The following NT5DC1 variants were observed in gnomAD, a reference collection of about 807,000 sequenced individuals.
The protein encoded by NT5DC1 is 5'-nucleotidase domain-containing protein 1.
In NT5DC1, 42 loss-of-function variants were observed where a neutral mutation model predicts 59.4. That is an observed-to-expected ratio of 0.71 (90% confidence interval 0.55 to 0.92). The LOEUF (loss-of-function observed/expected upper bound fraction) is 0.92, where lower values mean the gene tolerates loss of function less well. NT5DC1 is among the 40% of genes least tolerant of loss of function. NT5DC1 has a pLI of 0.00. For missense variants in NT5DC1, 501 were observed against 537.1 expected, an observed-to-expected ratio of 0.93 and a Z score of 0.66; for synonymous variants, 172 against 188.1, an observed-to-expected ratio of 0.91 and a Z score of 0.70.
At position 116,245,945 on chromosome 6, in the gene NT5DC1, GTT is replaced by G. The variant is rs1404580545; in HGVS notation, c.*1923_*1924del. ...TCCATCTTATGAAAGGAAAAGTTTA[GTT>G]TATTTCTAAATTTCCTTCCTTTCTA... On this transcript the variant is annotated 3_prime_UTR_variant, in exon 12 of 12. Transcript: ENST00000319550. 1 of 151,960 alleles carries G rather than the reference GTT, an allele frequency of 6.6e-6. No individual in the cohort carries two copies. The highest frequency in any genetic ancestry group is 1.5e-5 in the Non-Finnish European group (1 of 67,948). 9.4% of individuals were successfully genotyped at this position (151,960 alleles called of 1,614,324 possible).
At chr6:116,153,102 A>G (rs1780090439) in intron 6 of NT5DC1, among the ~76,000 whole-genome samples, 1 of 151,972 alleles carries the variant, frequency 6.6e-6, no homozygotes, top group South Asian at 2.1e-4. Context: ...CTGATATATT[A>G]ATATAAAAAT....
chr6:116,239,300 C>A (rs539493992), intron 11 of NT5DC1, among the ~76,000 whole-genome samples, 177 bp downstream of exon 11: 1 of 152,226 alleles, frequency 6.6e-6, no homozygotes, highest in African/African-American at 2.4e-5. Context: ...GAGGCAACTA[C>A]AAAAGCTCAA....
At chr6:116,224,525 C>G (rs1248118336) in intron 8 of NT5DC1, among the ~76,000 whole-genome samples, 2 of 152,196 alleles carry the variant, frequency 1.3e-5, no homozygotes, top group Non-Finnish European at 2.9e-5. Flanking sequence ...CAGGGAAGCT[C>G]TGTCCAAAAA....
intron 6 of NT5DC1, among the ~76,000 whole-genome samples, chr6:116,214,790 T>C (rs1213582079): frequency 6.6e-6 from 1 of 151,874 alleles, no homozygotes; most frequent in Non-Finnish European, 1.5e-5. Flanking sequence ...ATCTGTGTTG[T>C]GCACATGTAC....
rs557429159 is a variant in NT5DC1 at position 116,228,341 on chromosome 6, T to G, written c.802+5210T>G. ...CTGACCAACATGGAGAAACCTCGTCTCTACTAAAAATATAAAATCAGGCGG... is the reference window on the plus strand; with the variant it reads ...CTGACCAACATGGAGAAACCTCGTCGCTACTAAAAATATAAAATCAGGCGG... On this transcript the variant is annotated intron_variant, in intron 8 of 11. Coordinates refer to ENST00000319550, the MANE Select transcript of NT5DC1 (RefSeq NM_152729.3). Among the ~76,000 whole-genome samples the G allele has an allele frequency of 1.5e-3, 233 of 152,300 alleles. 2 individuals carry two copies. Among genetic ancestry groups the G allele is most frequent in the Admixed American group, 6.1e-3 (93 of 15,302 alleles).
chr6:116,158,468 AGAAG>A (rs769307712), intron 6 of NT5DC1: 13 of 152,242 alleles, frequency 8.5e-5, no homozygotes, highest in Non-Finnish European at 1.6e-4. Context: ...TATGAGACAC[AGAAG>A]GAAGTATCAT....
At chr6:116,151,725 T>A (rs1167714107) in intron 6 of NT5DC1, among the ~76,000 whole-genome samples, 1 of 152,246 alleles carries the variant, frequency 6.6e-6, no homozygotes, top group African/African-American at 2.4e-5. Context: ...GAATTAAGTA[T>A]GTTCATTTTA....
At chr6:116,172,966 A>T (rs1780645174) in intron 6 of NT5DC1, among the ~76,000 whole-genome samples, 1 of 152,208 alleles carries the variant, frequency 6.6e-6, no homozygotes, top group South Asian at 2.1e-4. Context: ...AATTATATTT[A>T]TATCTTGAGA....
chr6:116,104,887 A>C (rs544068194), intron 1 of NT5DC1, among the ~76,000 whole-genome samples: 12 of 152,092 alleles, frequency 7.9e-5, no homozygotes, highest in Non-Finnish European at 1.6e-4. Flanking sequence ...CATGCAGGTC[A>C]GTGATTTTCA....
chr6:116,116,450 T>C (rs1410278827), intron 5 of NT5DC1, among the ~76,000 whole-genome samples: 1 of 152,192 alleles, frequency 6.6e-6, no homozygotes, highest in Non-Finnish European at 1.5e-5. Flanking sequence ...GAGACCAGCC[T>C]GGCCAATATG....
chr6:116,120,498 C>T, intron 6 of NT5DC1: 1 of 1,614,224 alleles, frequency 6.2e-7, no homozygotes, highest in South Asian at 1.1e-5. Flanking sequence ...TTGGCACTAA[C>T]AAGAGGGGTC....
At chr6:116,201,826 A>G (rs913063538) in intron 6 of NT5DC1, among the ~76,000 whole-genome samples, 1 of 152,010 alleles carries the variant, frequency 6.6e-6, no homozygotes, top group Non-Finnish European at 1.5e-5. Flanking sequence ...TTTCATGATT[A>G]TAATTATTGC....
At chr6:116,185,155 A>G (rs1415389421) in intron 6 of NT5DC1, among the ~76,000 whole-genome samples, 3 of 152,020 alleles carry the variant, frequency 2.0e-5, no homozygotes, top group Non-Finnish European at 4.4e-5. Flanking sequence ...TTTAATTTCC[A>G]TGTATTTGCA....
intron 6 of NT5DC1, among the ~76,000 whole-genome samples, chr6:116,196,112 A>G (rs1233477489): frequency 1.3e-5 from 2 of 152,004 alleles, no homozygotes; most frequent in East Asian, 3.9e-4. Flanking sequence ...ACATCATGCT[A>G]TCCACAAGAG....
intron 1 of NT5DC1, among the ~76,000 whole-genome samples, chr6:116,102,840 G>T (rs1351500340): frequency 1.3e-5 from 2 of 152,256 alleles, no homozygotes. Context: ...TGAAGAGTTA[G>T]TCTTGGTCCC....
intron 6 of NT5DC1, among the ~76,000 whole-genome samples, chr6:116,148,364 A>G (rs1397610971): frequency 1.3e-5 from 2 of 152,202 alleles, no homozygotes; most frequent in African/African-American, 4.8e-5. Flanking sequence ...ATATTGTAGC[A>G]TTTGTTTTCA....
intron 6 of NT5DC1, among the ~76,000 whole-genome samples, chr6:116,178,669 G>A (rs974813591): frequency 3.3e-5 from 5 of 152,208 alleles, no homozygotes; most frequent in Non-Finnish European, 5.9e-5. Context: ...CAATTTTACT[G>A]AATAGTCCAA....
At chr6:116,178,090 C>A (rs9384972) in intron 6 of NT5DC1, among the ~76,000 whole-genome samples, 1 of 103,522 alleles carries the variant, frequency 9.7e-6, no homozygotes, top group Non-Finnish European at 1.8e-5. Context: ...TGTGTGTGTG[C>A]GCGCGCGCGC....
In NT5DC1 at chr6:116,241,944, C is replaced by CA. The variant is rs1173659223; in HGVS notation, c.1253-1950dup. On this transcript the variant is annotated intron_variant, in intron 11 of 11. Transcript: ENST00000319550. ...TCTCAAAAAAAAAAAAAAAACAAAA[C>CA]AAAAAAAAAAAAAAACAAAGAATCA... Among the ~76,000 whole-genome samples, 27 of 34,404 alleles carry CA rather than the reference C, an allele frequency of 7.8e-4. 1 individual carries two copies. The highest frequency in any genetic ancestry group is 1.8e-3 in the Admixed American group (5 of 2,818). The allele number at this position is 34,404 out of a possible 152,430, so 22.6% of individuals were successfully genotyped here.
Sources: gnomAD v4.1 joint callset for allele counts (sites outside exome capture counted in the v4.1 genomes callset) on GRCh38, gnomAD v4.1.1 for gene constraint, MANE v1.5 for transcripts, NCBI Gene and HGNC (gene_info 2026-07-23, HGNC 2026-07-21) for gene names.